Variants in LAMA2 observed in about 807,000 individuals in gnomAD.
LAMA2 encodes laminin subunit alpha-2.
Under a neutral mutation model 364.8 loss-of-function variants are expected in LAMA2, and 269 were observed. The observed-to-expected ratio is 0.74, with a 90% CI of 0.67 to 0.82. The LOEUF is 0.82. Ranked by LOEUF, LAMA2 falls within the 40% of genes least tolerant of loss-of-function variation. LAMA2 has a pLI of 0.00. For missense variants in LAMA2, 3,807 were observed against 3,873.2 expected (o/e 0.98, Z 0.45); for synonymous variants, 1,379 against 1,370.6 (o/e 1.01, Z -0.14).
Position 129,502,671 on chromosome 6 carries a change from G to C in LAMA2, c.8257G>C (p.Ala2753Pro). Reference sequence around the variant, plus strand: ...GGGTATTTTACAGGGTCCTTGTGCTGCAGAATCAGAACCAGCTCTTTTGAT... The same window carrying C: ...GGGTATTTTACAGGGTCCTTGTGCTCCAGAATCAGAACCAGCTCTTTTGAT... ...TPVLTHGPCA[A>P]ESEPALLIGS... The change falls in exon 59 of 65, where the codon GCA becomes CCA. Residue 2753 changes from alanine (A) to proline (P), a missense_variant. Physicochemically the swap from Ala to Pro is conservative, Grantham distance 27 (BLOSUM62 -1). Coordinates refer to ENST00000421865, the MANE Select transcript of LAMA2 (RefSeq NM_000426.4). 1.2e-6 allele frequency: 2 copies of C among 1,613,114 alleles called. No individual in the cohort carries two copies. Among genetic ancestry groups the C allele is most frequent in the Non-Finnish European group, 1.7e-6 (2 of 1,179,076 alleles).
At chr6:129,493,055 T>G (rs1362691655) in intron 58 of LAMA2, among the ~76,000 whole-genome samples, 1 of 152,078 alleles carries the variant, frequency 6.6e-6, no homozygotes. Context: ...CTCAGTAGGC[T>G]GAGGCAGGAG....
chr6:128,921,695 C>CTTTTTTTTTTTTT (rs1778726810), intron 1 of LAMA2, among the ~76,000 whole-genome samples: 1 of 122,580 alleles, frequency 8.2e-6, no homozygotes, highest in African/African-American at 4.3e-5. Context: ...AAATGAATGT[C>CTTTTTTTTTTTTT]TGTTTTTTTT....
chr6:129,270,265 CTACACACACA>C (rs1254149619), intron 16 of LAMA2, among the ~76,000 whole-genome samples: 3 of 97,592 alleles, frequency 3.1e-5, no homozygotes, highest in Non-Finnish European at 5.8e-5. Context: ...TGCTCTATGA[CTACACACACA>C]CACACACACA....
At chr6:129,153,506 G>A (rs760558789) in intron 7 of LAMA2, among the ~76,000 whole-genome samples, 3 of 152,198 alleles carry the variant, frequency 2.0e-5, no homozygotes, top group Non-Finnish European at 4.4e-5. Flanking sequence ...CATTCACCGG[G>A]TAGGATGTGA....
rs373156457 is a variant in LAMA2, at chr6:129,508,044, C to G, written c.8857+402C>G. Among the ~76,000 whole-genome samples, 6 of 152,304 alleles carry G rather than the reference C, an allele frequency of 3.9e-5. No homozygotes were observed. The East Asian group carries it at 7.7e-4, about 20-fold the overall frequency. On this transcript the variant is annotated intron_variant, in intron 62 of 64. Transcript: ENST00000421865. ...ATAATCTCCTCCCCATCAACACACACCCATACACACAATGCACACCCATGT... is the reference window on the plus strand; with the variant it reads ...ATAATCTCCTCCCCATCAACACACAGCCATACACACAATGCACACCCATGT...
At chr6:129,438,528 AATAC>A (rs1458436169) in intron 41 of LAMA2, 114 bp from the exon 42 acceptor site, 1 of 608,348 alleles carries the variant, frequency 1.6e-6, no homozygotes, top group Non-Finnish European at 2.9e-6. Context: ...CAATAAATTA[AATAC>A]ATTTTCTTGC....
chr6:129,263,862 C>A (rs1412374333), intron 15 of LAMA2, among the ~76,000 whole-genome samples: 3 of 152,140 alleles, frequency 2.0e-5, no homozygotes, highest in Non-Finnish European at 4.4e-5. Context: ...GCCTCAGCCT[C>A]CTGAGTAGCT....
chr6:128,946,835 T>A (rs1780513586), intron 1 of LAMA2, among the ~76,000 whole-genome samples: 1 of 152,250 alleles, frequency 6.6e-6, no homozygotes, highest in Non-Finnish European at 1.5e-5. Flanking sequence ...GGTTTTCTTA[T>A]TGATGATTCT....
chr6:129,064,470 G>A (rs1052805230), intron 3 of LAMA2, among the ~76,000 whole-genome samples: 2 of 151,770 alleles, frequency 1.3e-5, no homozygotes, highest in African/African-American at 2.4e-5. Context: ...ATGAAATAGA[G>A]ACTAGGGAAA....
chr6:128,959,212 A>G (rs1401762042), intron 1 of LAMA2, among the ~76,000 whole-genome samples: 2 of 152,164 alleles, frequency 1.3e-5, no homozygotes, highest in African/African-American at 2.4e-5. Flanking sequence ...TCCCTTCAGT[A>G]TGTTTCATCA....
chr6:129,263,606 G>A (rs535766441), intron 15 of LAMA2, among the ~76,000 whole-genome samples: 1 of 152,032 alleles, frequency 6.6e-6, no homozygotes, highest in South Asian at 2.1e-4. Context: ...GAAGTGATTG[G>A]AAAAGCAAGG....
chr6:129,456,070 T>G (rs185590957), intron 47 of LAMA2, among the ~76,000 whole-genome samples: 2 of 152,294 alleles, frequency 1.3e-5, no homozygotes, highest in Admixed American at 1.3e-4. Flanking sequence ...TCATTTCATG[T>G]CAATGAACAC....
rs1245365953 is a variant in LAMA2 at position 128,897,435 on chromosome 6, ATTG to A, written c.112+14081_112+14083del. The stretch of plus-strand genomic sequence containing the variant: ...TATAAGAGTTTGTAGCACTCCTAGA[ATTG>A]TTAACTTAATTGGTAAGAATGTGCT... On this transcript the variant is annotated intron_variant, in intron 1 of 64. Transcript: ENST00000421865. Among the ~76,000 whole-genome samples the A allele has an allele frequency of 4.6e-5, 7 of 152,178 alleles. No homozygotes were observed. The South Asian group carries it at 1.0e-3, about 22-fold the overall frequency.
At chr6:129,320,117 A>T (rs1034470887) in intron 27 of LAMA2, among the ~76,000 whole-genome samples, 2 of 151,692 alleles carry the variant, frequency 1.3e-5, no homozygotes, top group African/African-American at 4.8e-5. Flanking sequence ...TGGGTGACAG[A>T]GTGAGACTCT....
At chr6:129,101,301 A>C (rs1480689063) in intron 4 of LAMA2, among the ~76,000 whole-genome samples, 1 of 152,226 alleles carries the variant, frequency 6.6e-6, no homozygotes, top group African/African-American at 2.4e-5. Flanking sequence ...ATGCAAATTC[A>C]TCTCCAATAA....
At chr6:129,501,293 T>G (rs148825053) in intron 58 of LAMA2, among the ~76,000 whole-genome samples, 51 of 152,302 alleles carry the variant, frequency 3.3e-4, no homozygotes, top group African/African-American at 1.2e-3. Flanking sequence ...CATTCAGCTG[T>G]GCGAATGAAT....
intron 1 of LAMA2, among the ~76,000 whole-genome samples, chr6:129,048,481 TTTCTTTCTTTCTTTCCTTCCTTCC>T (rs1336745415): frequency 7.3e-4 from 56 of 76,726 alleles, no homozygotes; most frequent in Admixed American, 1.9e-3. Flanking sequence ...TCTTTCTTTC[TTTCTTTCTTTCTTTCCTTCCTTCC>T]TTCCTTCCTT....
chr6:129,194,723 C>T (rs1380305889), intron 12 of LAMA2, among the ~76,000 whole-genome samples: 2 of 152,156 alleles, frequency 1.3e-5, no homozygotes, highest in African/African-American at 4.8e-5. Context: ...ATGAATGAAA[C>T]AATTTGCCTT....
chr6:129,126,821 A>C (rs1321510160), intron 4 of LAMA2, among the ~76,000 whole-genome samples: 2 of 152,254 alleles, frequency 1.3e-5, no homozygotes, highest in Non-Finnish European at 2.9e-5. Flanking sequence ...TGCTCACACC[A>C]GCATTTTGGG....
Sources: gnomAD v4.1 joint callset for allele counts (sites outside exome capture counted in the v4.1 genomes callset) on GRCh38, gnomAD v4.1.1 for gene constraint, MANE v1.5 for transcripts, NCBI Gene and HGNC (gene_info 2026-07-23, HGNC 2026-07-21) for gene names.